UBA2: variants seen among roughly 807,000 people sequenced by gnomAD.
The protein encoded by UBA2 is SUMO-activating enzyme subunit 2.
UBA2 carries 11 observed loss-of-function variants against 77.2 expected under a neutral mutation model. The observed-to-expected ratio is 0.14, with a 90% CI of 0.09 to 0.24. The LOEUF is 0.24. UBA2 is among the 10% of genes least tolerant of loss of function. The pLI, the probability that UBA2 is intolerant of heterozygous loss-of-function variation, is 1.00. For synonymous variants in UBA2, 278 were observed against 276.7 expected (o/e 1.00, Z -0.05); for missense variants, 487 against 781.7 (o/e 0.62, Z 4.50).
At chr19:34,435,301 G>A (rs900058132) in intron 5 of UBA2, among the ~76,000 whole-genome samples, 1 of 152,322 alleles carries the variant, frequency 6.6e-6, no homozygotes, top group East Asian at 1.9e-4. Context: ...GGGAGGCTGA[G>A]CCAGGCGAAT....
intron 2 of UBA2, among the ~76,000 whole-genome samples, chr19:34,431,622 A>G (rs75673500): frequency 0.015 from 2,231 of 152,254 alleles, 25 homozygotes; most frequent in South Asian, 0.025. Context: ...CCATTCATGT[A>G]GAAGTGTGTT....
rs869118014 is a variant in UBA2, at chr19:34,456,100, C to CTTTTTTTTTT, written c.1245+1549_1245+1550insTTTTTTTTTT. ...CCCGATGCGCTCTTTTTTTCCTTTT[C>CTTTTTTTTTT]TTTTTCTTTTTTTTTTTTTTTTTTG... On this transcript the variant is annotated intron_variant, in intron 12 of 16. Transcript: ENST00000246548. 8.7e-3 allele frequency among the ~76,000 whole-genome samples: 485 copies of CTTTTTTTTTT among 55,770 alleles called. 90 individuals carry two copies. The highest frequency in any genetic ancestry group is 0.011 in the African/African-American group (148 of 13,842). 36.6% of individuals were successfully genotyped at this position (55,770 alleles called of 152,430 possible). A position where few individuals can be genotyped will look rare whatever the true frequency, so the allele number is the denominator to read the frequency against.
At chr19:34,462,781 C>T (rs1269851497) in intron 14 of UBA2, among the ~76,000 whole-genome samples, 1 of 152,064 alleles carries the variant, frequency 6.6e-6, no homozygotes, top group Non-Finnish European at 1.5e-5. Context: ...GCCTGGCCAA[C>T]ATGGCAAAAC....
At chr19:34,459,267 C>T (rs1434917828) in intron 13 of UBA2, among the ~76,000 whole-genome samples, 1 of 152,186 alleles carries the variant, frequency 6.6e-6, no homozygotes, top group Non-Finnish European at 1.5e-5. Context: ...ATGGTCCTCA[C>T]TGTGGCAGTG....
At chr19:34,459,055 T>G in intron 13 of UBA2, 131 bp downstream of exon 13, 1 of 990,690 alleles carries the variant, frequency 1.0e-6, no homozygotes, top group South Asian at 2.3e-5. Flanking sequence ...TGGGTTATTT[T>G]GCCTTCTGGA....
intron 1 of UBA2, chr19:34,430,037 A>T (rs1194761301): frequency 6.6e-6 from 1 of 152,114 alleles, no homozygotes. Flanking sequence ...CAGCCTCCCG[A>T]GTAGCTGTGA....
At chr19:34,433,305 A>T in intron 3 of UBA2, 43 bp from the exon 4 acceptor site, 1 of 1,366,362 alleles carries the variant, frequency 7.3e-7, no homozygotes, top group South Asian at 1.2e-5. Flanking sequence ...GATCATGTGG[A>T]AGGCTAGTTA....
intron 7 of UBA2, 114 bp from the exon 8 acceptor site, chr19:34,444,886 G>A: frequency 9.7e-7 from 1 of 1,027,602 alleles, no homozygotes; most frequent in South Asian, 1.7e-5. Context: ...AACTCAGAAT[G>A]TGTTGCATTT....
At chr19:34,446,279 TAACAGGTTTGA>T (rs1460467378) in intron 8 of UBA2, among the ~76,000 whole-genome samples, 1 of 152,242 alleles carries the variant, frequency 6.6e-6, no homozygotes, top group African/African-American at 2.4e-5. Context: ...AAGGATATAA[TAACAGGTTTGA>T]AACCATTGGA....
intron 8 of UBA2, among the ~76,000 whole-genome samples, chr19:34,445,798 T>G (rs928922333): frequency 6.6e-6 from 1 of 152,212 alleles, no homozygotes; most frequent in African/African-American, 2.4e-5. Flanking sequence ...ACATGTGTCC[T>G]AAATTGCCCT....
chr19:34,450,659 G>T (rs1286973358), intron 9 of UBA2, among the ~76,000 whole-genome samples: 1 of 146,858 alleles, frequency 6.8e-6, no homozygotes, highest in Non-Finnish European at 1.5e-5. Flanking sequence ...AGTCAGTATA[G>T]TTAACTAGTC....
chr19:34,429,317 C>G (rs2145482915), intron 1 of UBA2: 1 of 896,228 alleles, frequency 1.1e-6, no homozygotes, highest in East Asian at 1.2e-4. Flanking sequence ...GTTATTTCTA[C>G]TAATGCAAAC....
At chr19:34,444,114 A>G (rs1035085851) in intron 7 of UBA2, among the ~76,000 whole-genome samples, 2 of 129,854 alleles carry the variant, frequency 1.5e-5, no homozygotes, top group South Asian at 2.5e-4. Flanking sequence ...CTGGAGTACA[A>G]TGGTATAATC....
At chr19:34,456,819 A>G (rs984307467) in intron 12 of UBA2, among the ~76,000 whole-genome samples, 4 of 152,068 alleles carry the variant, frequency 2.6e-5, no homozygotes, top group Non-Finnish European at 5.9e-5. Flanking sequence ...TGGCCTCCCA[A>G]AGTGCTAGAA....
At position 34,438,568 on chromosome 19, in the gene UBA2, T is replaced by G. The variant is rs570374960; in HGVS notation, c.460-77T>G. On this transcript the variant is annotated intron_variant, in intron 5 of 16. Transcript: ENST00000246548. ...AAAACGTAGTTGGAATATAGATGAA[T>G]GAAGTGTTTATATTACCTTATAATG... The G allele has an allele frequency of 1.4e-5, 21 of 1,534,818 alleles. No individual in the cohort carries two copies. In the African/African-American group the frequency reaches 1.5e-4, roughly 11 times the overall value.
chr19:34,445,508 C>T (rs564583228), intron 8 of UBA2, among the ~76,000 whole-genome samples: 82 of 147,388 alleles, frequency 5.6e-4, no homozygotes, highest in South Asian at 2.8e-3. Flanking sequence ...GGCACGATCT[C>T]GGCTCACTGC....
intron 5 of UBA2, among the ~76,000 whole-genome samples, chr19:34,435,973 C>A (rs941784797): frequency 6.6e-6 from 1 of 151,564 alleles, no homozygotes; most frequent in Non-Finnish European, 1.5e-5. Flanking sequence ...ATACAAAAAT[C>A]AGCGGGCGTG....
chr19:34,432,296 T>G (rs946401490), intron 3 of UBA2, among the ~76,000 whole-genome samples: 1 of 152,210 alleles, frequency 6.6e-6, no homozygotes, highest in African/African-American at 2.4e-5. Context: ...AAATAATCTG[T>G]AGTATGACTC....
rs149466418 is a variant in UBA2 at position 34,433,796 on chromosome 19, A to G, written c.358+384A>G. Among the ~76,000 whole-genome samples the G allele has an allele frequency of 1.1e-3, 166 of 152,236 alleles. 2 individuals are homozygous for G. Among genetic ancestry groups the G allele is most frequent in the African/African-American group, 2.7e-3 (114 of 41,534 alleles). Reference sequence around the variant, plus strand: ...TCAACATGGTGAAACCGTCTCTACCAAAAAACACAAAAATTAGCCGGTGTG... The same window carrying G: ...TCAACATGGTGAAACCGTCTCTACCGAAAAACACAAAAATTAGCCGGTGTG... On this transcript the variant is annotated intron_variant, in intron 4 of 16. Transcript: ENST00000246548.
Sources: allele counts gnomAD v4.1 joint callset (sites outside exome capture counted in the v4.1 genomes callset), GRCh38; gene constraint gnomAD v4.1.1; transcripts MANE v1.5; gene names NCBI Gene and HGNC (gene_info 2026-07-23, HGNC 2026-07-21).